Variants in UST observed in about 807,000 individuals in gnomAD.
The protein encoded by UST is uronyl 2-sulfotransferase.
Under a neutral mutation model 45.6 loss-of-function variants are expected in UST, and 21 were observed. That is an observed-to-expected ratio of 0.46 (90% CI 0.33 to 0.66). The LOEUF is 0.66. Among genes scored for constraint, UST ranks in the 30% least tolerant of loss-of-function variants. UST has a pLI of 0.02. For missense variants in UST, 463 were observed against 512.4 expected, an observed-to-expected ratio of 0.90 and a Z score of 0.93; for synonymous variants, 215 against 200.6, an observed-to-expected ratio of 1.07 and a Z score of -0.61.
chr6:148,945,079 A>G (rs914980782), intron 3 of UST, among the ~76,000 whole-genome samples: 1 of 152,238 alleles, frequency 6.6e-6, no homozygotes, highest in Non-Finnish European at 1.5e-5. Context: ...AAAAGTTACC[A>G]GCATATTGAG....
At chr6:148,951,211 A>G (rs1780356554) in intron 3 of UST, among the ~76,000 whole-genome samples, 1 of 152,232 alleles carries the variant, frequency 6.6e-6, no homozygotes, top group Non-Finnish European at 1.5e-5. Context: ...CCATTGAATT[A>G]TGGGAGTCCG....
chr6:148,796,421 C>T (rs1289449241), intron 1 of UST, among the ~76,000 whole-genome samples: 5 of 151,838 alleles, frequency 3.3e-5, no homozygotes, highest in African/African-American at 9.7e-5. Context: ...GTCAGGAGTT[C>T]GAGACCAGCC....
At chr6:148,893,849 T>G (rs1779068084) in intron 2 of UST, among the ~76,000 whole-genome samples, 1 of 152,172 alleles carries the variant, frequency 6.6e-6, no homozygotes, top group South Asian at 2.1e-4. Context: ...AGGAACTAAC[T>G]AGGTCAGATA....
chr6:148,751,346 A>G (rs1423763244), intron 1 of UST, among the ~76,000 whole-genome samples: 1 of 152,206 alleles, frequency 6.6e-6, no homozygotes, highest in Admixed American at 6.5e-5. Flanking sequence ...CACCCACCCC[A>G]GCTGGCTTTA....
At chr6:149,039,456 C>A (rs1294001907) in intron 7 of UST, among the ~76,000 whole-genome samples, 1 of 152,092 alleles carries the variant, frequency 6.6e-6, no homozygotes, top group Non-Finnish European at 1.5e-5. Context: ...AAACTCCCGA[C>A]CTTAGGTGAT....
chr6:149,040,968 A>G (rs548800202), intron 7 of UST, among the ~76,000 whole-genome samples: 2 of 152,332 alleles, frequency 1.3e-5, no homozygotes, highest in South Asian at 2.1e-4. Flanking sequence ...GCTGTGAGAT[A>G]CAGCCTGTGC....
chr6:148,826,148 C>CT (rs1777563519), intron 1 of UST, among the ~76,000 whole-genome samples: 1 of 152,254 alleles, frequency 6.6e-6, no homozygotes, highest in Non-Finnish European at 1.5e-5. Context: ...GCCTTGCACT[C>CT]TGTCACCCAG....
chr6:148,991,533 C>T (rs900822521), intron 5 of UST, among the ~76,000 whole-genome samples: 1 of 133,022 alleles, frequency 7.5e-6, no homozygotes, highest in Non-Finnish European at 1.6e-5. Flanking sequence ...ACGACAGGCC[C>T]CGGTGTGTGA....
chr6:149,018,696 G>C (rs1775940084), intron 5 of UST, among the ~76,000 whole-genome samples: 1 of 152,192 alleles, frequency 6.6e-6, no homozygotes, highest in African/African-American at 2.4e-5. Context: ...AAACTCTTAT[G>C]AGACTATTGT....
intron 1 of UST, among the ~76,000 whole-genome samples, chr6:148,830,120 A>G (rs1050774842): frequency 2.0e-4 from 31 of 152,190 alleles, no homozygotes; most frequent in African/African-American, 5.8e-4. Flanking sequence ...TGGAGAAACC[A>G]ATACCTCCCT....
chr6:149,073,775 G>T, intron 7 of UST, 58 bp from the exon 8 acceptor site: 1 of 1,573,204 alleles, frequency 6.4e-7, no homozygotes, highest in Non-Finnish European at 8.6e-7. Context: ...GTCCTCGCCG[G>T]GATCCCTTCT....
intron 1 of UST, among the ~76,000 whole-genome samples, chr6:148,793,539 A>G (rs1430946766): frequency 6.6e-6 from 1 of 152,174 alleles, no homozygotes; most frequent in African/African-American, 2.4e-5. Context: ...ATTCTGAGAA[A>G]TGTTATGTGC....
intron 2 of UST, among the ~76,000 whole-genome samples, chr6:148,926,759 C>G (rs1175567249): frequency 6.6e-6 from 1 of 152,192 alleles, no homozygotes; most frequent in Non-Finnish European, 1.5e-5. Flanking sequence ...AACTCCATCA[C>G]TCTATCACTC....
intron 1 of UST, among the ~76,000 whole-genome samples, chr6:148,806,128 T>G (rs1777141070): frequency 6.6e-6 from 1 of 152,176 alleles, no homozygotes; most frequent in Non-Finnish European, 1.5e-5. Context: ...CGGCTTAGTT[T>G]GAAAGTAGCC....
chr6:148,853,057 A>G (rs927835954), intron 1 of UST, among the ~76,000 whole-genome samples: 3 of 152,152 alleles, frequency 2.0e-5, no homozygotes, highest in African/African-American at 7.2e-5. Flanking sequence ...CTATCAACCC[A>G]TCACGTAGGT....
In UST at chr6:148,973,394, T is replaced by G. The variant is rs142964845; in HGVS notation, c.681+8831T>G. Among the ~76,000 whole-genome samples the G allele has an allele frequency of 2.4e-3, 363 of 152,290 alleles. 1 individual carries two copies. The highest frequency in any genetic ancestry group is 8.3e-3 in the African/African-American group (345 of 41,540). ...ATTTAGGTTGACGAGGCACTTGGAGTCCATTGCCATCTCTTCAAAGAGACA... is the reference window on the plus strand; with the variant it reads ...ATTTAGGTTGACGAGGCACTTGGAGGCCATTGCCATCTCTTCAAAGAGACA... On this transcript the variant is annotated intron_variant, in intron 5 of 7. Coordinates refer to ENST00000367463, the MANE Select transcript of UST (RefSeq NM_005715.3).
intron 3 of UST, among the ~76,000 whole-genome samples, chr6:148,949,915 C>T (rs898506274): frequency 6.6e-6 from 1 of 152,074 alleles, no homozygotes; most frequent in Non-Finnish European, 1.5e-5. Context: ...AAGCCCATTT[C>T]CCCCCTTATC....
chr6:148,761,128 T>C (rs1776209092), intron 1 of UST, among the ~76,000 whole-genome samples: 1 of 152,204 alleles, frequency 6.6e-6, no homozygotes, highest in Admixed American at 6.5e-5. Flanking sequence ...AGAGCCTTAC[T>C]TCAAGGCCCC....
rs531580019 is a variant in UST, at chr6:148,947,269, C to A, written c.447+5835C>A. On this transcript the variant is annotated intron_variant, in intron 3 of 7. Coordinates refer to ENST00000367463, the MANE Select transcript of UST (RefSeq NM_005715.3). The stretch of plus-strand genomic sequence containing the variant: ...CTTGAGCAGTAGGATGTAAATAACT[C>A]CCACATGCTTAGCGTTCCAATAATG... 5.9e-5 allele frequency among the ~76,000 whole-genome samples: 9 copies of A among 152,186 alleles called. No homozygotes were observed. The East Asian group carries it at 1.7e-3, about 29-fold the overall frequency.
Sources: allele counts gnomAD v4.1 joint callset (sites outside exome capture counted in the v4.1 genomes callset), GRCh38; gene constraint gnomAD v4.1.1; transcripts MANE v1.5; gene names NCBI Gene and HGNC (gene_info 2026-07-23, HGNC 2026-07-21).